CAPN9: variants seen among roughly 807,000 people sequenced by gnomAD.
CAPN9 encodes the protein calpain 9.
A neutral mutation model predicts 92.8 loss-of-function variants in CAPN9; 81 were observed. That is an observed-to-expected ratio of 0.87 (90% CI 0.73 to 1.05). The LOEUF is 1.05. CAPN9 is among the 50% of genes least tolerant of loss of function. CAPN9 has a pLI of 0.00. For synonymous variants in CAPN9, 304 were observed against 328.0 expected (o/e 0.93, Z 0.79); for missense variants, 848 against 866.2 (o/e 0.98, Z 0.26).
At chr1:230,762,560 G>T in intron 3 of CAPN9, 93 bp from the exon 4 acceptor site, 1 of 1,469,992 alleles carries the variant, frequency 6.8e-7, no homozygotes, top group South Asian at 1.3e-5. Flanking sequence ...TTGGTCAGAG[G>T]GGAAAAAAGC....
intron 2 of CAPN9, among the ~76,000 whole-genome samples, chr1:230,756,305 T>TGAGA (rs113474263): frequency 2.1e-4 from 30 of 141,316 alleles, no homozygotes; most frequent in Middle Eastern, 3.7e-3. Context: ...GAGAGACAAT[T>TGAGA]GAGAGAGAGA....
At chr1:230,788,485 G>A (rs1667761005) in intron 13 of CAPN9, among the ~76,000 whole-genome samples, 2 of 152,204 alleles carry the variant, frequency 1.3e-5, no homozygotes, top group African/African-American at 4.8e-5. Context: ...ACTAATTCAT[G>A]TCAAGGTGCT....
intron 12 of CAPN9, among the ~76,000 whole-genome samples, chr1:230,786,576 T>C (rs927331983): frequency 4.6e-5 from 7 of 152,174 alleles, no homozygotes; most frequent in Admixed American, 2.0e-4. Context: ...TGTGAAAGGT[T>C]GTGGGTTTTG....
At chr1:230,768,978 C>G (rs1666198123) in intron 5 of CAPN9, among the ~76,000 whole-genome samples, 1 of 152,230 alleles carries the variant, frequency 6.6e-6, no homozygotes, top group Non-Finnish European at 1.5e-5. Context: ...GCCTCCCCAT[C>G]CTGGGAAGAG....
chr1:230,772,550 T>TG (rs2102875356), intron 7 of CAPN9, among the ~76,000 whole-genome samples: 1 of 152,246 alleles, frequency 6.6e-6, no homozygotes, highest in South Asian at 2.1e-4. Context: ...TGATGGTCAC[T>TG]GACCATGGCA....
At chr1:230,749,827 T>C (rs954128632) in intron 1 of CAPN9, among the ~76,000 whole-genome samples, 5 of 152,320 alleles carry the variant, frequency 3.3e-5, no homozygotes, top group Middle Eastern at 3.4e-3. Flanking sequence ...TTATTTCTAC[T>C]GCTGTCATTG....
chr1:230,768,366 C>T (rs540521639), intron 5 of CAPN9, among the ~76,000 whole-genome samples: 3 of 152,256 alleles, frequency 2.0e-5, no homozygotes, highest in South Asian at 2.1e-4. Flanking sequence ...CCCTCCCACC[C>T]GTTTCTCAGC....
chr1:230,763,536 G>A (rs1003875949), intron 4 of CAPN9, among the ~76,000 whole-genome samples: 1 of 152,134 alleles, frequency 6.6e-6, no homozygotes, highest in East Asian at 1.9e-4. Context: ...AGTTTCCTCA[G>A]GCTCTCAATT....
At chr1:230,784,410 C>T (rs929307750) in intron 11 of CAPN9, among the ~76,000 whole-genome samples, 1 of 152,198 alleles carries the variant, frequency 6.6e-6, no homozygotes, top group Non-Finnish European at 1.5e-5. Context: ...CATCACAGGC[C>T]GAGAGGCCTA....
chr1:230,778,825 C>A, intron 8 of CAPN9, 148 bp from the exon 9 acceptor site: 1 of 626,836 alleles, frequency 1.6e-6, no homozygotes, highest in Non-Finnish European at 2.6e-6. Context: ...AAAAAATTTT[C>A]CATCTCCCCA....
At position 230,755,420 on chromosome 1, in the gene CAPN9, G is replaced by A. The variant is rs762630364; in HGVS notation, c.283+14G>A. On this transcript the variant is annotated intron_variant, in intron 2 of 19. Coordinates refer to ENST00000271971, the MANE Select transcript of CAPN9 (RefSeq NM_006615.3). ...AGGGAGAGCTGGGTGAGTGTAAGTG[G>A]ATGGAGCATGGCGAGAGGGAGGTTG... is the stretch of plus-strand genomic sequence containing the variant. 4.4e-6 allele frequency: 7 copies of A among 1,594,268 alleles called. No individual in the cohort carries two copies. The highest frequency in any genetic ancestry group is 1.7e-4 in the Middle Eastern group (1 of 5,998).
intron 18 of CAPN9, 50 bp downstream of exon 18, chr1:230,795,329 C>A: frequency 2.7e-6 from 3 of 1,102,450 alleles, no homozygotes; most frequent in Admixed American, 1.7e-5. Context: ...CATCTTCAGT[C>A]ACCCTCCATG....
At chr1:230,778,774 T>G (rs1667001461) in intron 8 of CAPN9, among the ~76,000 whole-genome samples, 199 bp from the exon 9 acceptor site, 1 of 152,214 alleles carries the variant, frequency 6.6e-6, no homozygotes, top group Non-Finnish European at 1.5e-5. Context: ...AATCTATATT[T>G]TTAGCCTGGT....
chr1:230,789,339 G>A (rs1020340340), intron 13 of CAPN9, among the ~76,000 whole-genome samples: 5 of 152,002 alleles, frequency 3.3e-5, no homozygotes, highest in Non-Finnish European at 7.4e-5. Context: ...CCAGCATGGT[G>A]GTGCATGCCT....
intron 1 of CAPN9, among the ~76,000 whole-genome samples, chr1:230,752,167 C>T (rs3000060): frequency 0.042 from 6,330 of 152,238 alleles, 433 homozygotes; most frequent in African/African-American, 0.14. Flanking sequence ...CCTGGGCACA[C>T]ACAACAAGGC....
At chr1:230,766,778 G>A (rs2102862194) in intron 4 of CAPN9, among the ~76,000 whole-genome samples, 1 of 152,296 alleles carries the variant, frequency 6.6e-6, no homozygotes, top group East Asian at 1.9e-4. Context: ...GGCTGGGAAG[G>A]ATTCACAATA....
At chr1:230,775,368 G>A (rs1042876995) in intron 8 of CAPN9, among the ~76,000 whole-genome samples, 1 of 152,188 alleles carries the variant, frequency 6.6e-6, no homozygotes, top group African/African-American at 2.4e-5. Flanking sequence ...AGCATCTAAA[G>A]ATATCGACCT....
At chr1:230,752,717 G>A in intron 1 of CAPN9, 2 of 985,022 alleles carry the variant, frequency 2.0e-6, no homozygotes, top group Non-Finnish European at 2.4e-6. Context: ...GTCCACTTGA[G>A]GAGTGAGTAG....
chr1:230,774,529 G>C (rs200512375), intron 7 of CAPN9, 25 bp from the exon 8 acceptor site: 6 of 1,558,650 alleles, frequency 3.8e-6, no homozygotes, highest in Non-Finnish European at 5.3e-6. Flanking sequence ...ACCTCTGCCT[G>C]AACACCAATT....
Sources: allele counts gnomAD v4.1 joint callset (sites outside exome capture counted in the v4.1 genomes callset), GRCh38; gene constraint gnomAD v4.1.1; transcripts MANE v1.5; gene names NCBI Gene and HGNC (gene_info 2026-07-23, HGNC 2026-07-21).